Variants in GARIN1A observed in about 807,000 individuals in gnomAD.
GARIN1A encodes Golgi-associated RAB2 interactor protein 1A.
At chr7:128,693,144 T>C in the GARIN1A span, among the ~76,000 whole-genome samples, 1 of 152,278 alleles carries the variant, frequency 6.6e-6, no homozygotes, top group African/African-American at 2.4e-5. Context: ...TAATTTTCTT[T>C]TAGTAAACTA....
the GARIN1A span, chr7:128,686,427 C>T: frequency 6.6e-6 from 1 of 152,128 alleles, no homozygotes; most frequent in Non-Finnish European, 1.5e-5. Context: ...GGTTCAAGAA[C>T]TTGCTTAAGG....
the GARIN1A span, chr7:128,680,054 C>T: frequency 1.3e-6 from 2 of 1,572,700 alleles, no homozygotes; most frequent in Middle Eastern, 1.7e-4. Context: ...TCCTGTCATC[C>T]CCCCAGCCCA....
the GARIN1A span, among the ~76,000 whole-genome samples, chr7:128,688,358 A>G: frequency 6.6e-6 from 1 of 152,232 alleles, no homozygotes; most frequent in Non-Finnish European, 1.5e-5. Context: ...TAGACCAAAC[A>G]GTAAATATAA....
chr7:128,690,905 CA>C, the GARIN1A span: 12 of 152,008 alleles, frequency 7.9e-5, no homozygotes, highest in African/African-American at 2.7e-4. Flanking sequence ...TACATCTCCG[CA>C]AAGATCAAAT....
At chr7:128,676,804 T>C in the GARIN1A span, among the ~76,000 whole-genome samples, 1 of 151,952 alleles carries the variant, frequency 6.6e-6, no homozygotes, top group Admixed American at 6.6e-5. Context: ...AGGTCACACT[T>C]AATAAGATCT....
chr7:128,705,692 TCTCA>T, the GARIN1A span, among the ~76,000 whole-genome samples: 7 of 120,214 alleles, frequency 5.8e-5, no homozygotes, highest in African/African-American at 2.2e-4. Flanking sequence ...TGAGACAGGA[TCTCA>T]CTCTGTCGCC....
the GARIN1A span, chr7:128,683,283 T>C: frequency 5.7e-6 from 4 of 698,898 alleles, no homozygotes; most frequent in Non-Finnish European, 9.0e-6. Context: ...ACAAGGTGCT[T>C]CTCTACTTCC....
chr7:128,691,208 C>G, the GARIN1A span: 3 of 152,120 alleles, frequency 2.0e-5, no homozygotes, highest in South Asian at 6.2e-4. Flanking sequence ...AAGATTAAAC[C>G]CTTCCCTTCC....
chr7:128,676,802 C>T, the GARIN1A span, among the ~76,000 whole-genome samples: 3 of 151,968 alleles, frequency 2.0e-5, no homozygotes, highest in African/African-American at 7.3e-5. Flanking sequence ...CCAGGTCACA[C>T]TTAATAAGAT....
chr7:128,703,557 A>G, the GARIN1A span, among the ~76,000 whole-genome samples: 2 of 152,320 alleles, frequency 1.3e-5, no homozygotes, highest in South Asian at 2.1e-4. Context: ...TTGGGAGGCC[A>G]AGGCAGAAGG....
chr7:128,681,167 G>T, the GARIN1A span, among the ~76,000 whole-genome samples: 1 of 152,138 alleles, frequency 6.6e-6, no homozygotes, highest in Admixed American at 6.5e-5. Flanking sequence ...GAATATAAAA[G>T]GTCCTTTGGT....
chr7:128,676,088 C>T, the GARIN1A span, among the ~76,000 whole-genome samples: 2 of 147,552 alleles, frequency 1.4e-5, no homozygotes, highest in African/African-American at 2.5e-5. Flanking sequence ...GGCGGGATCT[C>T]GGCTCACTGC....
At chr7:128,703,931 T>A in the GARIN1A span, among the ~76,000 whole-genome samples, 1 of 152,172 alleles carries the variant, frequency 6.6e-6, no homozygotes, top group Admixed American at 6.5e-5. Flanking sequence ...TGCATTACCC[T>A]GTGCATTTGT....
chr7:128,677,270 G>T, the GARIN1A span, among the ~76,000 whole-genome samples: 4 of 151,934 alleles, frequency 2.6e-5, no homozygotes, highest in Admixed American at 6.6e-5. Flanking sequence ...CACTTTGGGA[G>T]GCCGAGGCGG....
chr7:128,702,854 A>G, the GARIN1A span, among the ~76,000 whole-genome samples: 3 of 152,268 alleles, frequency 2.0e-5, no homozygotes. Context: ...AAAAGGACAG[A>G]GAAAGCTATG....
At chr7:128,689,146 C>T in the GARIN1A span, among the ~76,000 whole-genome samples, 3 of 152,108 alleles carry the variant, frequency 2.0e-5, no homozygotes, top group Non-Finnish European at 4.4e-5. Context: ...GATCTCGGCT[C>T]GCTACAACCT....
the GARIN1A span, among the ~76,000 whole-genome samples, chr7:128,702,842 G>C: frequency 6.6e-6 from 1 of 152,192 alleles, no homozygotes; most frequent in African/African-American, 2.4e-5. Context: ...AAGGTTAAAA[G>C]TAAAAGGACA....
the GARIN1A span, among the ~76,000 whole-genome samples, chr7:128,673,953 G>T: frequency 2.1e-4 from 32 of 152,070 alleles, no homozygotes; most frequent in African/African-American, 7.2e-4. Context: ...CGTTGCCCTG[G>T]CATGGTCTAG....
the GARIN1A span, chr7:128,685,613 A>C: frequency 3.9e-5 from 6 of 152,230 alleles, no homozygotes; most frequent in Non-Finnish European, 8.8e-5. Flanking sequence ...TAAAATTAAA[A>C]ACAAGTTTCC....
Sources: allele counts gnomAD v4.1 joint callset (sites outside exome capture counted in the v4.1 genomes callset), GRCh38; gene constraint gnomAD v4.1.1; transcripts MANE v1.5; gene names NCBI Gene and HGNC (gene_info 2026-07-23, HGNC 2026-07-21).